MEI4: variants seen among roughly 807,000 people sequenced by gnomAD.
MEI4 encodes the protein meiosis-specific protein MEI4.
In MEI4, 27 loss-of-function variants were observed where a neutral mutation model predicts 31.4. That is an observed-to-expected ratio of 0.86 (90% CI 0.63 to 1.19). The LOEUF (loss-of-function observed/expected upper bound fraction) is 1.19. Among genes scored for constraint, MEI4 ranks in the 50% most tolerant of loss-of-function variants. The probability of loss-of-function intolerance (pLI) is 0.00; values close to 1 mark genes in which losing one functional copy is unlikely to be tolerated. For missense variants in MEI4, 329 were observed against 398.9 expected (o/e 0.82, Z 1.49); for synonymous variants, 122 against 145.4 (o/e 0.84, Z 1.16).
At chr6:77,703,073 C>A (rs1766259914) in intron 2 of MEI4, among the ~76,000 whole-genome samples, 1 of 152,114 alleles carries the variant, frequency 6.6e-6, no homozygotes, top group Non-Finnish European at 1.5e-5. Context: ...CTTGTGAGAC[C>A]CAAACTCTAT....
chr6:77,876,312 G>A (rs1199708428), intron 4 of MEI4, among the ~76,000 whole-genome samples: 1 of 152,188 alleles, frequency 6.6e-6, no homozygotes. Context: ...CTGCCCTAAT[G>A]AATGGATTCA....
intron 3 of MEI4, among the ~76,000 whole-genome samples, chr6:77,789,044 A>G (rs961665512): frequency 6.6e-6 from 1 of 152,236 alleles, no homozygotes; most frequent in Non-Finnish European, 1.5e-5. Context: ...TGGTACTGGT[A>G]CCAAAGCAGA....
At chr6:77,918,660 G>T (rs1766624994) in intron 4 of MEI4, among the ~76,000 whole-genome samples, 1 of 151,904 alleles carries the variant, frequency 6.6e-6, no homozygotes, top group Non-Finnish European at 1.5e-5. Flanking sequence ...ACCTTAAGGA[G>T]ATTTTGGGCT....
intron 4 of MEI4, among the ~76,000 whole-genome samples, chr6:77,859,077 G>A (rs1770806898): frequency 6.6e-6 from 1 of 152,070 alleles, no homozygotes. Context: ...CTGTGACCAT[G>A]TGTCCTTATT....
At chr6:77,704,315 C>T (rs1766285889) in intron 2 of MEI4, among the ~76,000 whole-genome samples, 1 of 152,078 alleles carries the variant, frequency 6.6e-6, no homozygotes, top group Non-Finnish European at 1.5e-5. Context: ...TTTCAACTGC[C>T]TTTGGGTTTT....
chr6:77,900,005 C>A (rs12665726), intron 4 of MEI4, among the ~76,000 whole-genome samples: 21,177 of 150,126 alleles, frequency 0.14, 1,726 homozygotes, highest in East Asian at 0.39. Context: ...AAAATACAGG[C>A]AATGAAAACC....
chr6:77,783,579 T>C (rs1768650409), intron 3 of MEI4, among the ~76,000 whole-genome samples: 1 of 152,152 alleles, frequency 6.6e-6, no homozygotes, highest in Non-Finnish European at 1.5e-5. Context: ...AAAGTTTTAA[T>C]TTGTGTTGTG....
intron 3 of MEI4, among the ~76,000 whole-genome samples, chr6:77,799,765 G>T (rs1261583171): frequency 1.3e-5 from 2 of 152,000 alleles, no homozygotes; most frequent in Admixed American, 6.6e-5. Context: ...TTTCCCCATT[G>T]CTTGTTTTTC....
intron 4 of MEI4, among the ~76,000 whole-genome samples, chr6:77,844,284 T>C (rs1429435326): frequency 6.6e-6 from 1 of 152,086 alleles, no homozygotes; most frequent in Non-Finnish European, 1.5e-5. Context: ...AAGAATAGAG[T>C]TCCTCGTCAC....
intron 4 of MEI4, among the ~76,000 whole-genome samples, chr6:77,913,763 G>T (rs9448251): frequency 2.0e-5 from 3 of 150,236 alleles, no homozygotes; most frequent in African/African-American, 7.3e-5. Flanking sequence ...GCCCGGGCAC[G>T]GTGGCTCACT....
At chr6:77,711,736 T>G (rs1377510869) in intron 2 of MEI4, among the ~76,000 whole-genome samples, 3 of 152,190 alleles carry the variant, frequency 2.0e-5, no homozygotes, top group African/African-American at 7.2e-5. Context: ...TTTTTTCTCT[T>G]GTAAAGGTAA....
chr6:77,675,822 C>T (rs1225362807), intron 1 of MEI4, among the ~76,000 whole-genome samples: 5 of 152,110 alleles, frequency 3.3e-5, no homozygotes, highest in Admixed American at 1.3e-4. Context: ...AAATGGGCCA[C>T]TACTAACTAT....
chr6:77,728,675 A>G (rs540610992), intron 2 of MEI4, among the ~76,000 whole-genome samples: 4 of 152,178 alleles, frequency 2.6e-5, no homozygotes, highest in Admixed American at 6.5e-5. Flanking sequence ...TCAGAAGGGA[A>G]TGTTTGAGTT....
chr6:77,911,768 G>T (rs972627297), intron 4 of MEI4, among the ~76,000 whole-genome samples: 3 of 148,634 alleles, frequency 2.0e-5, no homozygotes, highest in African/African-American at 7.4e-5. Flanking sequence ...TCTTTATCCA[G>T]TCCACTGTTG....
Position 77,926,403 on chromosome 6 carries a change from C to T in MEI4, c.*3057C>T, listed in dbSNP as rs1303185001. Reference sequence around the variant, plus strand: ...TGTCCTAAAAGGTACAGAGCTCCCTCCAGAGGTGTTTAGGTAGACTGTGAG... The same window carrying T: ...TGTCCTAAAAGGTACAGAGCTCCCTTCAGAGGTGTTTAGGTAGACTGTGAG... On this transcript the variant is annotated 3_prime_UTR_variant, in exon 5 of 5. Coordinates refer to ENST00000684080, the MANE Select transcript of MEI4 (RefSeq NM_001322247.2). 2 of 151,862 alleles carry T rather than the reference C, an allele frequency of 1.3e-5. No individual in the cohort carries two copies. The highest frequency in any genetic ancestry group is 4.8e-5 in the African/African-American group (2 of 41,386). The allele number at this position is 151,862 out of a possible 1,614,324, so 9.4% of individuals were successfully genotyped here. A position where few individuals can be genotyped will look rare whatever the true frequency, so the allele number is the denominator to read the frequency against.
intron 4 of MEI4, among the ~76,000 whole-genome samples, chr6:77,916,979 T>A (rs1318527775): frequency 6.8e-6 from 1 of 147,510 alleles, no homozygotes; most frequent in African/African-American, 2.5e-5. Context: ...GTCCGTGTGA[T>A]CTCATTGTTC....
At chr6:77,833,269 A>G (rs947269060) in intron 4 of MEI4, among the ~76,000 whole-genome samples, 2 of 152,088 alleles carry the variant, frequency 1.3e-5, no homozygotes, top group Non-Finnish European at 2.9e-5. Flanking sequence ...ATGTTATCAT[A>G]GACTGGTGAC....
At chr6:77,895,790 A>G (rs1458174741) in intron 4 of MEI4, among the ~76,000 whole-genome samples, 1 of 152,142 alleles carries the variant, frequency 6.6e-6, no homozygotes, top group Non-Finnish European at 1.5e-5. Flanking sequence ...GGACTAGAGC[A>G]ATGCAGACAG....
At chr6:77,904,356 C>T (rs1043441463) in intron 4 of MEI4, among the ~76,000 whole-genome samples, 8 of 152,050 alleles carry the variant, frequency 5.3e-5, no homozygotes, top group African/African-American at 1.7e-4. Flanking sequence ...CAGTTTATTA[C>T]GTGGGTAAAT....
Sources: allele counts gnomAD v4.1 joint callset (sites outside exome capture counted in the v4.1 genomes callset), GRCh38; gene constraint gnomAD v4.1.1; transcripts MANE v1.5; gene names NCBI Gene and HGNC (gene_info 2026-07-23, HGNC 2026-07-21).